Variants in STARD13 observed in about 807,000 individuals in gnomAD.
The protein encoded by STARD13 is stAR-related lipid transfer protein 13.
A neutral mutation model predicts 106.4 loss-of-function variants in STARD13; 62 were observed. The observed-to-expected ratio is 0.58, with a 90% CI of 0.48 to 0.72. STARD13 has a LOEUF of 0.72. Among genes scored for constraint, STARD13 ranks in the 30% least tolerant of loss-of-function variants. The pLI is 0.00. For missense variants in STARD13, 1,387 were observed against 1,424.0 expected (o/e 0.97, Z 0.42); for synonymous variants, 565 against 553.0 (o/e 1.02, Z -0.31).
the STARD13 span, among the ~76,000 whole-genome samples, chr13:33,520,997 G>A: frequency 6.6e-6 from 1 of 152,064 alleles, no homozygotes; most frequent in African/African-American, 2.4e-5. Context: ...CTGAGCACAG[G>A]TGGCCTTGAA....
the STARD13 span, among the ~76,000 whole-genome samples, chr13:33,471,196 T>G: frequency 1.3e-5 from 2 of 152,176 alleles, no homozygotes; most frequent in Non-Finnish European, 2.9e-5. Flanking sequence ...GATATTAAGA[T>G]ATGTATAAGA....
intron 3 of STARD13, among the ~76,000 whole-genome samples, chr13:33,146,088 G>T (rs1229505411): frequency 6.6e-6 from 1 of 152,210 alleles, no homozygotes; most frequent in Non-Finnish European, 1.5e-5. Context: ...ACTTTGGGAG[G>T]TGAAGGCAGG....
At chr13:33,465,488 C>T in the STARD13 span, among the ~76,000 whole-genome samples, 4,262 of 152,242 alleles carry the variant, frequency 0.028, 199 homozygotes, top group African/African-American at 0.095. Flanking sequence ...AGGCGTGAGC[C>T]ACCGTGCCCA....
At chr13:33,204,346 T>A (rs1457349693) in intron 1 of STARD13, among the ~76,000 whole-genome samples, 1 of 152,208 alleles carries the variant, frequency 6.6e-6, no homozygotes, top group Non-Finnish European at 1.5e-5. Flanking sequence ...AATGACTACA[T>A]AGGTTGCACA....
At chr13:33,396,004 G>A in the STARD13 span, among the ~76,000 whole-genome samples, 1 of 151,024 alleles carries the variant, frequency 6.6e-6, no homozygotes, top group Admixed American at 6.6e-5. Flanking sequence ...ACCATGCCTG[G>A]CTAATTTTTT....
the STARD13 span, among the ~76,000 whole-genome samples, chr13:33,493,366 C>T: frequency 6.6e-6 from 1 of 152,150 alleles, no homozygotes; most frequent in Non-Finnish European, 1.5e-5. Context: ...CTCACGTGAT[C>T]AGTAAAGCTG....
chr13:33,586,911 C>G, the STARD13 span, among the ~76,000 whole-genome samples: 1 of 152,092 alleles, frequency 6.6e-6, no homozygotes, highest in Non-Finnish European at 1.5e-5. Flanking sequence ...AGGAGTACCC[C>G]TGTTCAATTT....
Position 33,149,216 on chromosome 13 carries a change from T to C in STARD13, c.324-6843A>G, listed in dbSNP as rs1880946057. 3.3e-5 allele frequency among the ~76,000 whole-genome samples: 5 copies of C among 152,206 alleles called. No homozygotes were observed. In the South Asian group the frequency reaches 8.3e-4, roughly 25 times the overall value. ...GGAGAATTTGGGTGATAATGATATG[T>C]CAATGTAGGTTCATTGATTCTAGAA... On this transcript the variant is annotated intron_variant, in intron 3 of 13. Transcript: ENST00000336934.
At chr13:33,514,495 G>T in the STARD13 span, among the ~76,000 whole-genome samples, 1 of 152,108 alleles carries the variant, frequency 6.6e-6, no homozygotes, top group Non-Finnish European at 1.5e-5. Context: ...CTGGGAGAGA[G>T]GGTGGCGGTC....
chr13:33,121,958 G>T (rs1040559032), intron 7 of STARD13, among the ~76,000 whole-genome samples: 7 of 151,778 alleles, frequency 4.6e-5, no homozygotes, highest in Non-Finnish European at 1.0e-4. Flanking sequence ...CAATTCTCCT[G>T]CCTCAGCCCC....
chr13:33,139,720 T>C (rs1879558433), intron 4 of STARD13, among the ~76,000 whole-genome samples: 1 of 152,104 alleles, frequency 6.6e-6, no homozygotes, highest in Non-Finnish European at 1.5e-5. Flanking sequence ...CTATTTGTGA[T>C]CATTTGGCCT....
chr13:33,140,762 C>CTT (rs1190491022), intron 4 of STARD13, among the ~76,000 whole-genome samples: 56 of 142,322 alleles, frequency 3.9e-4, no homozygotes, highest in African/African-American at 1.2e-3. Flanking sequence ...ACTTTCTTTT[C>CTT]TTTCTTTTTT....
At chr13:33,259,615 G>C (rs1890536594) in intron 1 of STARD13, among the ~76,000 whole-genome samples, 1 of 152,166 alleles carries the variant, frequency 6.6e-6, no homozygotes, top group African/African-American at 2.4e-5. Context: ...AAAAGATCAA[G>C]AGCAAAGGAA....
At chr13:33,308,771 G>A (rs1268258097) in intron 1 of STARD13, among the ~76,000 whole-genome samples, 2 of 151,962 alleles carry the variant, frequency 1.3e-5, no homozygotes, top group Non-Finnish European at 2.9e-5. Context: ...TGATCCACCC[G>A]CCTTGGCCTC....
chr13:33,490,791 CAGA>C, the STARD13 span, among the ~76,000 whole-genome samples: 1 of 152,242 alleles, frequency 6.6e-6, no homozygotes, highest in Non-Finnish European at 1.5e-5. Context: ...TGCGAAAAGG[CAGA>C]AGGTCCACTG....
At chr13:33,347,769 C>T (rs2078033068), downstream of STARD13, among the ~76,000 whole-genome samples, 1 of 152,168 alleles carries the variant, frequency 6.6e-6, no homozygotes, top group Non-Finnish European at 1.5e-5. Flanking sequence ...AATCACCTAA[C>T]AATGCATTTC....
At chr13:33,395,447 G>A in the STARD13 span, among the ~76,000 whole-genome samples, 5 of 152,106 alleles carry the variant, frequency 3.3e-5, no homozygotes, top group East Asian at 1.9e-4. Flanking sequence ...ATCATAAAAC[G>A]CAAGCGTTTA....
At chr13:33,504,255 G>A in the STARD13 span, among the ~76,000 whole-genome samples, 2 of 152,064 alleles carry the variant, frequency 1.3e-5, no homozygotes, top group Admixed American at 6.6e-5. Context: ...TCATTACCAG[G>A]TATATACCCA....
the STARD13 span, among the ~76,000 whole-genome samples, chr13:33,372,629 A>G: frequency 6.6e-6 from 1 of 152,008 alleles, no homozygotes; most frequent in Non-Finnish European, 1.5e-5. Flanking sequence ...CCATTAAACT[A>G]TTCCACAGAA....
Sources: allele counts gnomAD v4.1 joint callset (sites outside exome capture counted in the v4.1 genomes callset), GRCh38; gene constraint gnomAD v4.1.1; transcripts MANE v1.5; gene names NCBI Gene and HGNC (gene_info 2026-07-23, HGNC 2026-07-21).